Variants in OC90 observed in about 807,000 individuals in gnomAD.
OC90 encodes the protein otoconin 90.
In OC90, 46 loss-of-function variants were observed where a neutral mutation model predicts 47.3. The observed-to-expected ratio is 0.97, with a 90% CI of 0.77 to 1.24. The LOEUF (loss-of-function observed/expected upper bound fraction) is 1.24. OC90 is among the 50% of genes most tolerant of loss of function. The pLI, the probability that OC90 is intolerant of heterozygous loss-of-function variation, is 0.00. For synonymous variants in OC90, 271 were observed against 219.5 expected (o/e 1.23, Z -2.07); for missense variants, 688 against 583.9 (o/e 1.18, Z -1.84).
At chr8:132,054,465 A>G (rs1006160527) in intron 2 of OC90, among the ~76,000 whole-genome samples, 1 of 152,194 alleles carries the variant, frequency 6.6e-6, no homozygotes, top group Non-Finnish European at 1.5e-5. Flanking sequence ...CACCACTCCC[A>G]CATCTTTGAG....
intron 11 of OC90, among the ~76,000 whole-genome samples, chr8:132,032,679 G>T (rs1339745799): frequency 1.3e-5 from 2 of 152,184 alleles, no homozygotes; most frequent in African/African-American, 2.4e-5. Context: ...AGGCATCAGA[G>T]GGAGGAGAGA....
chr8:132,039,213 C>T (rs1228388787), intron 6 of OC90, 90 bp from the exon 7 acceptor site: 11 of 1,411,640 alleles, frequency 7.8e-6, no homozygotes, highest in Admixed American at 4.0e-5. Flanking sequence ...TCCTCATCTC[C>T]CCTGCCAAAA....
Position 132,037,431 on chromosome 8 carries a change from G to A in OC90, c.679+7C>T. 1 of 1,579,196 alleles carries A rather than the reference G, an allele frequency of 6.3e-7. No individual in the cohort carries two copies. Among genetic ancestry groups the A allele is most frequent in the Non-Finnish European group, 8.6e-7 (1 of 1,161,042 alleles). On this transcript the variant is annotated splice_region_variant and intron_variant, in intron 9 of 13. Transcript: ENST00000254627. The stretch of plus-strand genomic sequence containing the variant: ...TTTGGGTTCCACACTAGCCCCTTCT[G>A]GCTCACCTTCTCCTGAAAGGGCTGT...
chr8:132,044,194 G>A (rs1823099367), intron 4 of OC90, among the ~76,000 whole-genome samples: 1 of 152,146 alleles, frequency 6.6e-6, no homozygotes, highest in South Asian at 2.1e-4. Flanking sequence ...TCCCTTCCTG[G>A]AGAGTTGTGA....
chr8:132,028,698 AAGAG>A (rs1357288174), intron 13 of OC90, among the ~76,000 whole-genome samples: 4 of 127,288 alleles, frequency 3.1e-5, no homozygotes, highest in Admixed American at 1.7e-4. Context: ...GAAAGAAAGA[AAGAG>A]AGACAGAAAG....
intron 9 of OC90, among the ~76,000 whole-genome samples, chr8:132,036,956 C>T (rs1280140733): frequency 6.6e-6 from 1 of 152,192 alleles, no homozygotes; most frequent in Non-Finnish European, 1.5e-5. Flanking sequence ...TAGAATCTCC[C>T]CATGCTTGCT....
intron 6 of OC90, among the ~76,000 whole-genome samples, chr8:132,040,733 G>A (rs1823039563): frequency 6.6e-6 from 1 of 152,234 alleles, no homozygotes; most frequent in Non-Finnish European, 1.5e-5. Context: ...ATTCTGCAAT[G>A]CTACACAATG....
chr8:132,027,918 A>G (rs765346459), intron 13 of OC90, among the ~76,000 whole-genome samples: 2 of 152,212 alleles, frequency 1.3e-5, no homozygotes, highest in African/African-American at 4.8e-5. Flanking sequence ...TTAGTTCTGA[A>G]ATGATATGGT....
intron 2 of OC90, among the ~76,000 whole-genome samples, chr8:132,048,751 T>A (rs1823171260): frequency 6.6e-6 from 1 of 151,388 alleles, no homozygotes; most frequent in East Asian, 1.9e-4. Flanking sequence ...ATATCAGAGG[T>A]TTAGAGAGGT....
Position 132,024,730 on chromosome 8 carries a change from C to G in OC90, c.1185G>C (p.Gln395His). The G allele has an allele frequency of 6.2e-7, 1 of 1,613,902 alleles. No individual in the cohort carries two copies. The highest frequency in any genetic ancestry group is 8.5e-7 in the Non-Finnish European group (1 of 1,179,846). Reference sequence around the variant, plus strand: ...CAGAGGTCATGCACTCAGCTGCCGTCTGGTCACAGGCACAGAGCAACTTCT... The same window carrying G: ...CAGAGGTCATGCACTCAGCTGCCGTGTGGTCACAGGCACAGAGCAACTTCT... ...LCEKLLCACD[Q>H]TAAECMTSAS... is the part of the protein sequence containing the mutation. Residue 395 changes from glutamine (Q) to histidine (H), a missense_variant, in exon 14 of 14, where the codon CAG (glutamine) becomes CAC (histidine). Physicochemically the swap from Gln to His is conservative, Grantham distance 24 (BLOSUM62 0). Coordinates refer to ENST00000254627, the MANE Select transcript of OC90 (RefSeq NM_001080399.3).
chr8:132,033,095 G>T lies in OC90; in HGVS notation c.803C>A (p.Ser268Tyr), dbSNP rs766366784. ...AACAGATGACACTGCCAGCCCCAGA[G>T]ATTTAATGCCAGCAGGGACAAGGGT... ...IVTLVPAGIK[S>Y]LGLAVSSVEN... Residue 268 changes from serine to tyrosine, a missense_variant, in exon 11 of 14, where the codon TCT (serine) becomes TAT (tyrosine). Coordinates refer to ENST00000254627, the MANE Select transcript of OC90 (RefSeq NM_001080399.3). The T allele has an allele frequency of 6.2e-7, 1 of 1,610,124 alleles. No individual in the cohort carries two copies. The highest frequency in any genetic ancestry group is 2.2e-5 in the East Asian group (1 of 44,780).
chr8:132,025,574 GC>G (rs1056626610), intron 13 of OC90, among the ~76,000 whole-genome samples: 2 of 152,148 alleles, frequency 1.3e-5, no homozygotes, highest in Non-Finnish European at 2.9e-5. Flanking sequence ...CTAACAGCCT[GC>G]CCCGGGGGAG....
At chr8:132,036,498 T>G (rs1025618651) in intron 9 of OC90, 6 of 772,864 alleles carry the variant, frequency 7.8e-6, no homozygotes, top group Non-Finnish European at 1.4e-5. Flanking sequence ...ATTTGGGGGC[T>G]GAGGATGTAA....
In OC90 at chr8:132,024,440, G is replaced by C; in HGVS notation, c.*41C>G. On this transcript the variant is annotated 3_prime_UTR_variant, in exon 14 of 14. Transcript: ENST00000254627. ...AGATAAAGAGCTGAAGGTGGAGCAG[G>C]AGCCACGCTACTGAAGGTGTTAGCC... The C allele has an allele frequency of 2.1e-6, 3 of 1,436,176 alleles. No individual in the cohort carries two copies. The highest frequency in any genetic ancestry group is 4.5e-5 in the Admixed American group (2 of 44,284). The allele number at this position is 1,436,176 out of a possible 1,614,324, so 89.0% of individuals were successfully genotyped here. A position where few individuals can be genotyped will look rare whatever the true frequency, so the allele number is the denominator to read the frequency against.
At chr8:132,046,968 G>C (rs1173521723) in intron 2 of OC90, among the ~76,000 whole-genome samples, 3 of 152,172 alleles carry the variant, frequency 2.0e-5, no homozygotes, top group Non-Finnish European at 4.4e-5. Context: ...TCTGTTGCTA[G>C]GGATTGTCCT....
At chr8:132,049,175 G>T (rs1172885975) in intron 2 of OC90, among the ~76,000 whole-genome samples, 1 of 151,650 alleles carries the variant, frequency 6.6e-6, no homozygotes, top group Admixed American at 6.6e-5. Context: ...AACACGTGTA[G>T]CATACCTTCT....
At chr8:132,042,750 T>TA (rs1317235079) in intron 4 of OC90, among the ~76,000 whole-genome samples, 2 of 152,072 alleles carry the variant, frequency 1.3e-5, no homozygotes, top group African/African-American at 4.8e-5. Flanking sequence ...TGGTGATTAT[T>TA]AAAAAATCAA....
chr8:132,034,979 T>A, intron 9 of OC90, 145 bp from the exon 10 acceptor site: 1 of 614,458 alleles, frequency 1.6e-6, no homozygotes, highest in South Asian at 2.2e-5. Flanking sequence ...TGAGATTTCC[T>A]AAGAGAGCTG....
chr8:132,054,108 G>A (rs148107597), intron 2 of OC90, among the ~76,000 whole-genome samples: 7 of 152,280 alleles, frequency 4.6e-5, no homozygotes, highest in East Asian at 3.9e-4. Flanking sequence ...AAGGGCCTAC[G>A]GCTGTGCTTG....
Sources: gnomAD v4.1 joint callset for allele counts (sites outside exome capture counted in the v4.1 genomes callset) on GRCh38, gnomAD v4.1.1 for gene constraint, MANE v1.5 for transcripts, NCBI Gene and HGNC (gene_info 2026-07-23, HGNC 2026-07-21) for gene names.